Variants in FRMD1 observed in about 807,000 individuals in gnomAD.
The protein encoded by FRMD1 is FERM domain-containing protein 1.
FRMD1 carries 51 observed loss-of-function variants against 54.9 expected under a neutral mutation model. That is an observed-to-expected ratio of 0.93 (90% CI 0.74 to 1.17). The LOEUF is 1.17. Among genes scored for constraint, FRMD1 ranks in the 50% most tolerant of loss-of-function variants. The pLI is 0.00. For synonymous variants in FRMD1, 324 were observed against 306.4 expected, an observed-to-expected ratio of 1.06 and a Z score of -0.60; for missense variants, 729 against 743.0, an observed-to-expected ratio of 0.98 and a Z score of 0.22.
In FRMD1 at chr6:168,055,624, C is replaced by T. The variant is rs528892599; in HGVS notation, c.*1473G>A. On this transcript the variant is annotated 3_prime_UTR_variant, in exon 11 of 11. Transcript: ENST00000283309. ...TTGGGAAGTGCCCACATGCTCACAT[C>T]TGAGCCAGCACTAGGCGCACCTCCC... 6.9e-4 allele frequency: 105 copies of T among 152,318 alleles called. No individual in the cohort carries two copies. The highest frequency in any genetic ancestry group is 2.5e-3 in the African/African-American group (102 of 41,572). The allele number at this position is 152,318 out of a possible 1,614,324, so 9.4% of individuals were successfully genotyped here.
chr6:168,090,391 C>A, intron 1 of FRMD1, among the ~76,000 whole-genome samples: 1 of 152,130 alleles, frequency 6.6e-6, no homozygotes, highest in Middle Eastern at 3.4e-3. Context: ...CTGGCCTCAC[C>A]GTCTGCTCCC....
intron 3 of FRMD1, 169 bp downstream of exon 3, chr6:168,067,198 C>A: frequency 1.5e-6 from 1 of 673,084 alleles, no homozygotes; most frequent in Non-Finnish European, 2.7e-6. Context: ...TCCCACCCCA[C>A]GCATCCCACC....
chr6:168,085,557 G>C (rs1800903062), upstream of FRMD1, among the ~76,000 whole-genome samples: 1 of 152,208 alleles, frequency 6.6e-6, no homozygotes, highest in African/African-American at 2.4e-5. Context: ...TGGGCTCCAG[G>C]GGGTGTGCAG....
chr6:168,079,090 G>A lies in FRMD1; in HGVS notation c.5C>T (p.Ala2Val), dbSNP rs145358124. M[A>V]VPPRGRGIDP... ...TATGCCCCTCCCTCTCGGGGGCACC[G>A]CCATGCTGTCGTTACTCGGCCCTCC... is the stretch of plus-strand genomic sequence containing the variant. The change falls in exon 1 of 11, where the codon GCG (alanine) becomes GTG (valine). Residue 2 changes from alanine to valine, a missense_variant. By Grantham distance (64) the Ala-to-Val change is moderately conservative. Transcript: ENST00000283309. 2.4e-4 allele frequency: 388 copies of A among 1,600,162 alleles called. No individual in the cohort carries two copies. Among genetic ancestry groups the A allele is most frequent in the Non-Finnish European group, 3.2e-4 (371 of 1,176,984 alleles).
upstream of FRMD1, among the ~76,000 whole-genome samples, chr6:168,081,191 C>T (rs4708638): frequency 0.017 from 2,519 of 152,206 alleles, 62 homozygotes; most frequent in Admixed American, 0.052. Flanking sequence ...TTCCTGAAAA[C>T]GTGCTGAGGC....
intron 8 of FRMD1, among the ~76,000 whole-genome samples, chr6:168,061,312 AG>A (rs1460536170): frequency 6.6e-6 from 1 of 151,878 alleles, no homozygotes; most frequent in Non-Finnish European, 1.5e-5. Context: ...GACGTGGAAC[AG>A]GGAGGGAGAC....
upstream of FRMD1, among the ~76,000 whole-genome samples, chr6:168,085,887 C>T (rs1374865339): frequency 6.6e-6 from 1 of 152,248 alleles, no homozygotes; most frequent in Non-Finnish European, 1.5e-5. Flanking sequence ...CCCGTGTGGT[C>T]CCTCGGCACA....
Position 168,057,518 on chromosome 6 carries a change from G to C in FRMD1, c.1408-179C>G, listed in dbSNP as rs1049132239. ...CCCAGCACACACCTCTGCGAGAGAG[G>C]CTTGGCATCTTCCTTTGATGCATTT... On this transcript the variant is annotated intron_variant, in intron 10 of 10. Coordinates refer to ENST00000283309, the MANE Select transcript of FRMD1 (RefSeq NM_024919.6). 3 of 815,836 alleles carry C rather than the reference G, an allele frequency of 3.7e-6. No individual in the cohort carries two copies. In the African/African-American group the frequency reaches 5.3e-5, roughly 14 times the overall value. 50.5% of individuals were successfully genotyped at this position (815,836 alleles called of 1,614,324 possible).
chr6:168,069,691 A>G, intron 2 of FRMD1, among the ~76,000 whole-genome samples: 1 of 152,322 alleles, frequency 6.6e-6, no homozygotes, highest in East Asian at 1.9e-4. Context: ...TAAGCTTAGT[A>G]CTTCCTAGGA....
In FRMD1 at chr6:168,075,348, T is replaced by TGGGGAGGGGTTC; in HGVS notation, c.214-25_214-14dup. The TGGGGAGGGGTTC allele has an allele frequency of 6.2e-7, 1 of 1,609,378 alleles. No homozygotes were observed. The highest frequency in any genetic ancestry group is 1.1e-5 in the South Asian group (1 of 91,034). Reference sequence around the variant, plus strand: ...CAGTAGCCTTCACCTGCAAAAGAGGTGGGGAGGGGTTCAGGGAGGGGCCGG... The same window carrying TGGGGAGGGGTTC: ...CAGTAGCCTTCACCTGCAAAAGAGGTGGGGAGGGGTTCGGGGAGGGGTTCAGGGAGGGGCCGG... On this transcript the variant is annotated splice_polypyrimidine_tract_variant and intron_variant, in intron 1 of 10. Coordinates refer to ENST00000283309, the MANE Select transcript of FRMD1 (RefSeq NM_024919.6).
intron 5 of FRMD1, among the ~76,000 whole-genome samples, chr6:168,064,176 C>T (rs921662223): frequency 6.6e-6 from 1 of 152,232 alleles, no homozygotes; most frequent in Admixed American, 6.5e-5. Context: ...GCATCCACAG[C>T]ACTGGGAGGA....
chr6:168,061,485 C>A, intron 8 of FRMD1, among the ~76,000 whole-genome samples: 1 of 152,234 alleles, frequency 6.6e-6, no homozygotes, highest in South Asian at 2.1e-4. Flanking sequence ...ACACTGAGGC[C>A]TTGTCGGAAC....
chr6:168,061,902 G>T lies in FRMD1; in HGVS notation c.950C>A (p.Ser317Tyr). 6.3e-7 allele frequency: 1 copy of T among 1,596,852 alleles called. No homozygotes were observed. Among genetic ancestry groups the T allele is most frequent in the East Asian group, 2.3e-5 (1 of 43,892 alleles). The stretch of plus-strand genomic sequence containing the variant: ...GCGCAGCAGGTGCAGCAGGTGCCTG[G>T]ACCGCCAGGTGCACCCCGTGTAGTA... ...LVYYTGCTWR[S>Y]RHLLHLLRAS... The change falls in exon 8 of 11, where the codon TCC becomes TAC. Residue 317 changes from serine (S) to tyrosine (Y), a missense_variant. Physicochemically the swap from Ser to Tyr is moderately radical, Grantham distance 144. Transcript: ENST00000283309.
chr6:168,086,683 G>A (rs1800927208), intron 1 of FRMD1, among the ~76,000 whole-genome samples: 1 of 152,264 alleles, frequency 6.6e-6, no homozygotes. Context: ...GCCACTGGCT[G>A]TGCCTGATCA....
At position 168,079,131 on chromosome 6, in the gene FRMD1, A is replaced by G. The variant is rs746993680; in HGVS notation, c.-37T>C. 56 of 1,554,738 alleles carry G rather than the reference A, an allele frequency of 3.6e-5. No homozygotes were observed. Among genetic ancestry groups the G allele is most frequent in the East Asian group, 4.6e-5 (2 of 43,918 alleles). On this transcript the variant is annotated 5_prime_UTR_variant, in exon 1 of 11. Coordinates refer to ENST00000283309, the MANE Select transcript of FRMD1 (RefSeq NM_024919.6). ...TCGGCCCTCCCCCGCCATGGGTCGC[A>G]GGTGGGTGCTCAGCACCTCCCAGAT...
chr6:168,058,478 C>T (rs914448820), intron 10 of FRMD1, among the ~76,000 whole-genome samples: 27 of 150,372 alleles, frequency 1.8e-4, no homozygotes, highest in Admixed American at 7.3e-4. Flanking sequence ...CAGCCACAAC[C>T]GATTTTCTGT....
At chr6:168,067,265 C>G in intron 3 of FRMD1, 102 bp downstream of exon 3, 1 of 778,160 alleles carries the variant, frequency 1.3e-6, no homozygotes, top group Non-Finnish European at 2.2e-6. Flanking sequence ...CGGTCCCCCA[C>G]AGCCCACCGC....
chr6:168,091,896 G>GAT (rs139733021), intron 1 of FRMD1, among the ~76,000 whole-genome samples: 5 of 151,952 alleles, frequency 3.3e-5, no homozygotes, highest in Non-Finnish European at 7.4e-5. Context: ...CTCCGGATCA[G>GAT]GTGTCACTAG....
chr6:168,069,694 T>C (rs1186889198), intron 2 of FRMD1, among the ~76,000 whole-genome samples: 1 of 152,172 alleles, frequency 6.6e-6, no homozygotes, highest in Non-Finnish European at 1.5e-5. Flanking sequence ...GCTTAGTACT[T>C]CCTAGGACTT....
Sources: allele counts gnomAD v4.1 joint callset (sites outside exome capture counted in the v4.1 genomes callset), GRCh38; gene constraint gnomAD v4.1.1; transcripts MANE v1.5; gene names NCBI Gene and HGNC (gene_info 2026-07-23, HGNC 2026-07-21).